Variants in ANGPT1 observed in about 807,000 individuals in gnomAD.
ANGPT1 encodes angiopoietin-1.
Under a neutral mutation model 62.2 loss-of-function variants are expected in ANGPT1, and 17 were observed. The observed-to-expected ratio is 0.27, with a 90% CI of 0.19 to 0.41. The LOEUF is 0.41. ANGPT1 is among the 10% of genes least tolerant of loss of function. ANGPT1 has a pLI of 1.00. For synonymous variants in ANGPT1, 199 were observed against 198.9 expected (o/e 1.00, Z 0.00); for missense variants, 478 against 594.9 (o/e 0.80, Z 2.04).
chr8:107,412,397 T>A (rs1434040043), intron 1 of ANGPT1, among the ~76,000 whole-genome samples: 1 of 151,956 alleles, frequency 6.6e-6, no homozygotes. Context: ...CAGGGATCCA[T>A]TAGAAATAAA....
chr8:107,270,942 T>C (rs1049699494), intron 7 of ANGPT1, among the ~76,000 whole-genome samples: 1 of 152,022 alleles, frequency 6.6e-6, no homozygotes, highest in Non-Finnish European at 1.5e-5. Context: ...TGATAAAGAC[T>C]TATAGATATC....
intron 1 of ANGPT1, among the ~76,000 whole-genome samples, chr8:107,389,528 C>T (rs768696424): frequency 2.6e-5 from 4 of 152,110 alleles, no homozygotes; most frequent in Non-Finnish European, 5.9e-5. Context: ...GATTCTTAGT[C>T]TCTGTTAGTT....
At chr8:107,463,586 T>G (rs1812125746) in intron 1 of ANGPT1, among the ~76,000 whole-genome samples, 1 of 152,112 alleles carries the variant, frequency 6.6e-6, no homozygotes. Flanking sequence ...CGTAGAGCAG[T>G]GACTTTGTCA....
intron 1 of ANGPT1, among the ~76,000 whole-genome samples, chr8:107,355,133 C>T (rs560473601): frequency 2.8e-4 from 43 of 152,168 alleles, no homozygotes; most frequent in Admixed American, 9.8e-4. Context: ...AAGTCCTGAC[C>T]TCAGGTGATC....
At chr8:107,341,133 C>A (rs1170975806) in intron 2 of ANGPT1, among the ~76,000 whole-genome samples, 3 of 152,098 alleles carry the variant, frequency 2.0e-5, no homozygotes, top group Non-Finnish European at 2.9e-5. Context: ...TAAAGAACAG[C>A]ATAACTAAGG....
chr8:107,314,606 A>G (rs1488518749), intron 4 of ANGPT1, among the ~76,000 whole-genome samples: 1 of 152,210 alleles, frequency 6.6e-6, no homozygotes, highest in Non-Finnish European at 1.5e-5. Context: ...AGGAAGTGCT[A>G]GATAGTGTGG....
At chr8:107,375,742 A>G (rs1446930930) in intron 1 of ANGPT1, among the ~76,000 whole-genome samples, 1 of 152,166 alleles carries the variant, frequency 6.6e-6, no homozygotes, top group Non-Finnish European at 1.5e-5. Context: ...GGAAAGTACC[A>G]GCAACAAGAC....
At chr8:107,268,231 A>G (rs1813659571) in intron 7 of ANGPT1, among the ~76,000 whole-genome samples, 1 of 152,114 alleles carries the variant, frequency 6.6e-6, no homozygotes, top group South Asian at 2.1e-4. Flanking sequence ...GGTAAGCTCA[A>G]GGTAGCAAGC....
At chr8:107,321,150 T>C (rs1815140399) in intron 4 of ANGPT1, among the ~76,000 whole-genome samples, 1 of 152,002 alleles carries the variant, frequency 6.6e-6, no homozygotes, top group Non-Finnish European at 1.5e-5. Flanking sequence ...AGCAGAGGCA[T>C]TCATTCAATA....
chr8:107,416,558 T>G (rs910693796), intron 1 of ANGPT1, among the ~76,000 whole-genome samples: 8 of 152,098 alleles, frequency 5.3e-5, no homozygotes, highest in African/African-American at 1.9e-4. Context: ...CCTGTCCTCT[T>G]TGGCCTTTTA....
intron 1 of ANGPT1, among the ~76,000 whole-genome samples, chr8:107,401,244 T>C (rs1329984437): frequency 1.3e-5 from 2 of 151,874 alleles, no homozygotes; most frequent in Non-Finnish European, 2.9e-5. Flanking sequence ...AATCCATTAA[T>C]AGCAAGTGAT....
chr8:107,445,239 C>A (rs1350189129), intron 1 of ANGPT1, among the ~76,000 whole-genome samples: 1 of 152,148 alleles, frequency 6.6e-6, no homozygotes, highest in East Asian at 1.9e-4. Flanking sequence ...ATTGATTATT[C>A]TGACGGATCC....
At chr8:107,332,190 A>G (rs1325466182) in intron 3 of ANGPT1, among the ~76,000 whole-genome samples, 1 of 152,152 alleles carries the variant, frequency 6.6e-6, no homozygotes, top group Non-Finnish European at 1.5e-5. Context: ...TTTGTGTCCT[A>G]CTTTGTGTTC....
intron 1 of ANGPT1, among the ~76,000 whole-genome samples, chr8:107,383,960 C>G (rs1323597749): frequency 6.6e-6 from 1 of 152,126 alleles, no homozygotes; most frequent in Non-Finnish European, 1.5e-5. Flanking sequence ...CATTAGGCAC[C>G]TGTAGCTGAT....
chr8:107,395,915 AT>A (rs1816925749), intron 1 of ANGPT1, among the ~76,000 whole-genome samples: 1 of 152,144 alleles, frequency 6.6e-6, no homozygotes, highest in Non-Finnish European at 1.5e-5. Flanking sequence ...TTATCAAGGC[AT>A]TTTTCCTCCT....
intron 1 of ANGPT1, among the ~76,000 whole-genome samples, chr8:107,448,262 T>A (rs1022645061): frequency 7.9e-5 from 12 of 152,210 alleles, no homozygotes; most frequent in Non-Finnish European, 1.5e-4. Context: ...TGTAGGTAAA[T>A]CTATTTCTCT....
At chr8:107,291,822 T>G (rs2130170549) in intron 6 of ANGPT1, among the ~76,000 whole-genome samples, 1 of 142,414 alleles carries the variant, frequency 7.0e-6, no homozygotes, top group Admixed American at 7.3e-5. Context: ...CCTTCAAATC[T>G]GACCTAGCAT....
chr8:107,286,187 A>T (rs1354012983), intron 6 of ANGPT1, among the ~76,000 whole-genome samples: 1 of 152,132 alleles, frequency 6.6e-6, no homozygotes, highest in Non-Finnish European at 1.5e-5. Flanking sequence ...TACTTACCAA[A>T]GTTCAAAGGT....
intron 1 of ANGPT1, among the ~76,000 whole-genome samples, chr8:107,381,089 G>C (rs1039931825): frequency 6.6e-6 from 1 of 152,184 alleles, no homozygotes; most frequent in Non-Finnish European, 1.5e-5. Context: ...CCATCTCCTA[G>C]TGGGCAGCTC....
Sources: allele counts gnomAD v4.1 joint callset (sites outside exome capture counted in the v4.1 genomes callset), GRCh38; gene constraint gnomAD v4.1.1; transcripts MANE v1.5; gene names NCBI Gene and HGNC (gene_info 2026-07-23, HGNC 2026-07-21).